The following NDUFAF6 variants were observed in gnomAD, a reference collection of about 807,000 sequenced individuals.
NDUFAF6 encodes the protein NADH dehydrogenase (ubiquinone) complex I, assembly factor 6.
In NDUFAF6, 45 loss-of-function variants were observed where a neutral mutation model predicts 40.8. That is an observed-to-expected ratio of 1.10 (90% CI 0.87 to 1.42). NDUFAF6 has a LOEUF of 1.42. NDUFAF6 is among the 40% of genes most tolerant of loss of function. The probability of loss-of-function intolerance (pLI) is 0.00; values close to 1 mark genes in which losing one functional copy is unlikely to be tolerated. For synonymous variants in NDUFAF6, 185 were observed against 155.9 expected (o/e 1.19, Z -1.39); for missense variants, 435 against 418.5 (o/e 1.04, Z -0.34).
chr8:95,084,552 G>C, intron 2 of NDUFAF6, among the ~76,000 whole-genome samples: 1 of 152,096 alleles, frequency 6.6e-6, no homozygotes, highest in Non-Finnish European at 1.5e-5. Context: ...CACCTGGCTA[G>C]AGTTAACTTG....
rs117341880 is a variant in NDUFAF6 at position 95,038,986 on chromosome 8, T to C, written c.421-2584T>C. Among the ~76,000 whole-genome samples the C allele has an allele frequency of 1.7e-3, 253 of 151,416 alleles. 9 individuals are homozygous for C. The East Asian group carries it at 0.047, about 28-fold the overall frequency. On this transcript the variant is annotated intron_variant, in intron 3 of 8. Coordinates refer to ENST00000396124, the MANE Select transcript of NDUFAF6 (RefSeq NM_152416.4). ...ACCTGGCCTATTTTTTGTGTTTGTT[T>C]TTTTTTTTGAGACAGGGTGTTGCTC...
At chr8:94,940,073 A>G in intron 1 of NDUFAF6, 2 of 1,614,192 alleles carry the variant, frequency 1.2e-6, no homozygotes, top group East Asian at 2.2e-5. Context: ...ACATGACTCA[A>G]ACTGGAGAAA....
intron 2 of NDUFAF6, among the ~76,000 whole-genome samples, chr8:95,004,589 A>G (rs999943145): frequency 9.9e-5 from 15 of 151,964 alleles, no homozygotes; most frequent in East Asian, 1.9e-4. Flanking sequence ...GGCTGAAGCA[A>G]TCCTCCTGCC....
intron 1 of NDUFAF6, among the ~76,000 whole-genome samples, chr8:94,897,307 T>C (rs917318474): frequency 2.2e-4 from 33 of 152,196 alleles, no homozygotes; most frequent in Non-Finnish European, 8.8e-5. Context: ...GTGAACAGAA[T>C]GCAATCATAG....
At chr8:94,953,519 C>T (rs920414909), upstream of NDUFAF6, among the ~76,000 whole-genome samples, 12 of 152,176 alleles carry the variant, frequency 7.9e-5, no homozygotes, top group African/African-American at 2.9e-4. Context: ...GTTCTTGGGG[C>T]GGTTGTCAGA....
chr8:95,024,853 T>C (rs1175834325), upstream of NDUFAF6: 13 of 633,098 alleles, frequency 2.1e-5, no homozygotes, highest in Non-Finnish European at 3.0e-5. Context: ...GCGGCCCAGA[T>C]GCAGAGGACC....
chr8:95,003,912 C>T (rs1826846986), intron 2 of NDUFAF6, among the ~76,000 whole-genome samples: 1 of 152,152 alleles, frequency 6.6e-6, no homozygotes, highest in African/African-American at 2.4e-5. Flanking sequence ...GGGTTTCTCC[C>T]AGCAGCCTCC....
intron 1 of NDUFAF6, among the ~76,000 whole-genome samples, chr8:94,903,821 C>T (rs574178733): frequency 2.0e-5 from 3 of 152,176 alleles, no homozygotes; most frequent in Non-Finnish European, 4.4e-5. Flanking sequence ...TATTTACTCA[C>T]TCCTCCCCAC....
intron 2 of NDUFAF6, among the ~76,000 whole-genome samples, chr8:95,088,409 G>A (rs1809120635): frequency 6.6e-6 from 1 of 152,198 alleles, no homozygotes; most frequent in Non-Finnish European, 1.5e-5. Flanking sequence ...AGCTAGAGTT[G>A]AATATTCTTC....
At chr8:95,089,767 G>A (rs1443038800) in intron 2 of NDUFAF6, among the ~76,000 whole-genome samples, 1 of 152,160 alleles carries the variant, frequency 6.6e-6, no homozygotes, top group Non-Finnish European at 1.5e-5. Context: ...ATCTGCACTT[G>A]CTCAGCTCAT....
downstream of NDUFAF6, among the ~76,000 whole-genome samples, chr8:95,108,412 A>G (rs1431113044): frequency 2.0e-5 from 3 of 152,226 alleles, no homozygotes; most frequent in Admixed American, 6.5e-5. Context: ...CATATTATGC[A>G]TGAGCCTCAA....
intron 4 of NDUFAF6, among the ~76,000 whole-genome samples, chr8:95,043,161 T>A (rs968172807): frequency 3.4e-4 from 50 of 149,162 alleles, no homozygotes; most frequent in Admixed American, 2.4e-3. Flanking sequence ...CTCGGCTCAC[T>A]GCAATCTCCG....
chr8:95,104,598 T>C (rs1809761212), downstream of NDUFAF6, among the ~76,000 whole-genome samples: 2 of 152,308 alleles, frequency 1.3e-5, no homozygotes, highest in South Asian at 2.1e-4. Context: ...TTGGAAGATA[T>C]AGTGTCCCCT....
At chr8:94,925,271 G>A (rs971038125) in intron 1 of NDUFAF6, among the ~76,000 whole-genome samples, 1 of 152,136 alleles carries the variant, frequency 6.6e-6, no homozygotes, top group Admixed American at 6.5e-5. Flanking sequence ...CCATTATTCT[G>A]AATGTTTACT....
chr8:94,936,622 C>G (rs547743490), intron 1 of NDUFAF6, among the ~76,000 whole-genome samples: 1 of 152,206 alleles, frequency 6.6e-6, no homozygotes, highest in South Asian at 2.1e-4. Flanking sequence ...TGGACATGGT[C>G]AGGCAGAATC....
chr8:95,022,714 G>A (rs1827741890), upstream of NDUFAF6, among the ~76,000 whole-genome samples: 1 of 152,000 alleles, frequency 6.6e-6, no homozygotes. Context: ...TTTAAAGACT[G>A]CAAAATCCAG....
intron 1 of NDUFAF6, chr8:94,980,800 G>A: frequency 5.2e-6 from 2 of 382,668 alleles, no homozygotes; most frequent in South Asian, 1.9e-5. Context: ...TTAGTGCATA[G>A]TTGTTTACCT....
intron 2 of NDUFAF6, among the ~76,000 whole-genome samples, chr8:95,095,085 G>A (rs953170801): frequency 6.6e-6 from 1 of 151,882 alleles, no homozygotes; most frequent in African/African-American, 2.4e-5. Context: ...ACCTAAGTCT[G>A]TTGGCACTCA....
downstream of NDUFAF6, among the ~76,000 whole-genome samples, chr8:95,104,500 T>C (rs1399649744): frequency 6.6e-6 from 1 of 152,226 alleles, no homozygotes; most frequent in African/African-American, 2.4e-5. Flanking sequence ...ACAAAGTCAG[T>C]ACCTTTAAAC....
Sources: gnomAD v4.1 joint callset for allele counts (sites outside exome capture counted in the v4.1 genomes callset) on GRCh38, gnomAD v4.1.1 for gene constraint, MANE v1.5 for transcripts, NCBI Gene and HGNC (gene_info 2026-07-23, HGNC 2026-07-21) for gene names.